The following ILRUN variants were observed in gnomAD, a reference collection of about 807,000 sequenced individuals.
ILRUN encodes the protein inflammation and lipid regulator with UBA-like and NBR1-like domains.
Under a neutral mutation model 33.8 loss-of-function variants are expected in ILRUN, and 3 were observed. The observed-to-expected ratio is 0.09, with a 90% CI of 0.04 to 0.23. ILRUN has a LOEUF of 0.23. Ranked by LOEUF, ILRUN falls within the 10% of genes least tolerant of loss-of-function variation. The pLI, the probability that ILRUN is intolerant of heterozygous loss-of-function variation, is 1.00. For missense variants in ILRUN, 210 were observed against 375.1 expected, an observed-to-expected ratio of 0.56 and a Z score of 3.64; for synonymous variants, 124 against 138.9, an observed-to-expected ratio of 0.89 and a Z score of 0.75.
intron 3 of ILRUN, among the ~76,000 whole-genome samples, chr6:34,619,985 CAAA>C (rs1216649224): frequency 4.0e-5 from 3 of 75,916 alleles, no homozygotes; most frequent in Admixed American, 1.5e-4. Flanking sequence ...ACTCTGTCTC[CAAA>C]AAAAAAAAAA....
chr6:34,639,155 C>G (rs1027038841), intron 3 of ILRUN, among the ~76,000 whole-genome samples: 2 of 152,214 alleles, frequency 1.3e-5, no homozygotes, highest in African/African-American at 4.8e-5. Context: ...AGTTTCCTAA[C>G]ATGTGGGACA....
chr6:34,623,202 C>T lies in ILRUN; in HGVS notation c.512-16298G>A, dbSNP rs537866980. ...ATATACTTATTGCCAGTGAACTGTA[C>T]ACTTAAAAATGGTTACAATAAATTG... is the stretch of plus-strand genomic sequence containing the variant. On this transcript the variant is annotated intron_variant, in intron 3 of 4. Transcript: ENST00000374023. Among the ~76,000 whole-genome samples the T allele has an allele frequency of 2.7e-4, 41 of 152,246 alleles. No individual in the cohort carries two copies. In the South Asian group the frequency reaches 7.5e-3, roughly 28 times the overall value.
intron 1 of ILRUN, among the ~76,000 whole-genome samples, chr6:34,685,976 T>C (rs914714589): frequency 2.5e-4 from 38 of 152,186 alleles, no homozygotes; most frequent in African/African-American, 7.9e-4. Context: ...TATAAAACTC[T>C]TAGCAGAAAA....
At chr6:34,635,072 T>A (rs1762330420) in intron 3 of ILRUN, among the ~76,000 whole-genome samples, 1 of 144,798 alleles carries the variant, frequency 6.9e-6, no homozygotes, top group South Asian at 2.1e-4. Flanking sequence ...AATAAGGCTG[T>A]CAGAAATAAA....
At position 34,606,752 on chromosome 6, in the gene ILRUN, A is replaced by G; in HGVS notation, c.664T>C (p.Ser222Pro). Reference protein sequence around the residue: ...PFASPQKNRQSDENNLKDPGG... With the variant: ...PFASPQKNRQPDENNLKDPGG... Reference sequence around the variant, plus strand: ...GGGTCTTTTAAGTTGTTTTCATCTGATTGTCGGTTCTTTTGGGGAGAGGCA... The same window carrying G: ...GGGTCTTTTAAGTTGTTTTCATCTGGTTGTCGGTTCTTTTGGGGAGAGGCA... The change falls in exon 4 of 5, where the codon TCA becomes CCA. Residue 222 changes from serine to proline, a missense_variant. Around this residue, in one of 4 missense-constraint regions of ILRUN, gnomAD observed 81 missense variants for 97.0 expected, o/e 0.84. Transcript: ENST00000374023. 1.2e-6 allele frequency: 2 copies of G among 1,614,016 alleles called. No homozygotes were observed. Among genetic ancestry groups the G allele is most frequent in the Non-Finnish European group, 1.7e-6 (2 of 1,179,990 alleles).
chr6:34,670,698 A>T (rs1763098607), intron 1 of ILRUN, among the ~76,000 whole-genome samples: 1 of 151,640 alleles, frequency 6.6e-6, no homozygotes, highest in Non-Finnish European at 1.5e-5. Flanking sequence ...TAAAAAAAAA[A>T]TACAAAACTT....
At chr6:34,678,153 C>T (rs1218787349) in intron 1 of ILRUN, among the ~76,000 whole-genome samples, 1 of 152,106 alleles carries the variant, frequency 6.6e-6, no homozygotes, top group African/African-American at 2.4e-5. Flanking sequence ...GATTCTCCTG[C>T]TTCAGCCTCC....
Position 34,607,541 on chromosome 6 carries a change from C to T in ILRUN, c.512-637G>A, listed in dbSNP as rs1241516759. Among the ~76,000 whole-genome samples the T allele has an allele frequency of 2.6e-5, 4 of 152,302 alleles. No individual in the cohort carries two copies. In the South Asian group the frequency reaches 6.2e-4, roughly 24 times the overall value. ...ACTTTCTAAAATACCCAATTTAACA[C>T]CTGCTTTGCTTTTCTGTCATACAGT... is the stretch of plus-strand genomic sequence containing the variant. On this transcript the variant is annotated intron_variant, in intron 3 of 4. Transcript: ENST00000374023.
chr6:34,609,940 C>T (rs895752977), intron 3 of ILRUN, among the ~76,000 whole-genome samples: 4 of 151,888 alleles, frequency 2.6e-5, no homozygotes, highest in Non-Finnish European at 4.4e-5. Flanking sequence ...AGGTGGATCA[C>T]GAGGTCAGGA....
rs1419204574 is a variant in ILRUN at position 34,594,506 on chromosome 6, G to T, written c.862-3906C>A. ...GGGCATACACCACTTACACAGAAAT[G>T]GGTTTCCAAAGGCTACATTGAACAG... On this transcript the variant is annotated intron_variant, in intron 4 of 4. Coordinates refer to ENST00000374023, the MANE Select transcript of ILRUN (RefSeq NM_024294.4). Among the ~76,000 whole-genome samples, 3 of 152,310 alleles carry T rather than the reference G, an allele frequency of 2.0e-5. No individual in the cohort carries two copies. The East Asian group carries it at 5.8e-4, about 29-fold the overall frequency.
intron 1 of ILRUN, among the ~76,000 whole-genome samples, chr6:34,688,033 C>CTTGG (rs1307389891): frequency 6.6e-6 from 1 of 151,954 alleles, no homozygotes; most frequent in African/African-American, 2.4e-5. Context: ...CCCCAAATGT[C>CTTGG]TACCAACGAA....
intron 2 of ILRUN, among the ~76,000 whole-genome samples, chr6:34,647,599 G>A (rs774181141): frequency 5.9e-5 from 9 of 151,956 alleles, no homozygotes; most frequent in East Asian, 1.9e-4. Context: ...TTAAAGAGTC[G>A]CCTGGACTGG....
In ILRUN at chr6:34,677,947, CA is replaced by C. The variant is rs200840957; in HGVS notation, c.158+18498del. Among the ~76,000 whole-genome samples, 328 of 74,336 alleles carry C rather than the reference CA, an allele frequency of 4.4e-3. 1 individual carries two copies. The highest frequency in any genetic ancestry group is 0.012 in the African/African-American group (228 of 19,462). 48.8% of individuals were successfully genotyped at this position (74,336 alleles called of 152,430 possible). A position where few individuals can be genotyped will look rare whatever the true frequency, so the allele number is the denominator to read the frequency against. The stretch of plus-strand genomic sequence containing the variant: ...GTGAGTGACAGTGAGATCCTGCCTC[CA>C]AAAAAAAAAAAAAAAAAAAAAGTGT... On this transcript the variant is annotated intron_variant, in intron 1 of 4. Coordinates refer to ENST00000374023, the MANE Select transcript of ILRUN (RefSeq NM_024294.4).
Position 34,606,894 on chromosome 6 carries a change from C to G in ILRUN, c.522G>C (p.Trp174Cys). ...ATGLYYGDVI[W>C]VILSVEVGGL... ...CACCCACCTCCACACTGAGAATCAC[C>G]CAGATGACATCTGAAACAAAAAGGT... The change falls in exon 4 of 5, where the codon TGG (tryptophan) becomes TGC (cysteine). Residue 174 changes from tryptophan to cysteine, a missense_variant. This residue lies in a region of ILRUN where 60 missense variants were observed against 138.1 expected (regional missense o/e 0.43). Coordinates refer to ENST00000374023, the MANE Select transcript of ILRUN (RefSeq NM_024294.4). 1 of 1,608,852 alleles carries G rather than the reference C, an allele frequency of 6.2e-7. No homozygotes were observed. Among genetic ancestry groups the G allele is most frequent in the Non-Finnish European group, 8.5e-7 (1 of 1,177,392 alleles).
chr6:34,681,338 G>C (rs1004418901), intron 1 of ILRUN, among the ~76,000 whole-genome samples: 8 of 152,132 alleles, frequency 5.3e-5, no homozygotes, highest in Non-Finnish European at 1.2e-4. Context: ...CTCTATATTT[G>C]GGAATAAACT....
At chr6:34,654,384 A>G (rs1443259187) in intron 2 of ILRUN, among the ~76,000 whole-genome samples, 1 of 152,240 alleles carries the variant, frequency 6.6e-6, no homozygotes, top group Non-Finnish European at 1.5e-5. Flanking sequence ...GATTGTGTTT[A>G]GATGCCATTA....
intron 3 of ILRUN, among the ~76,000 whole-genome samples, chr6:34,607,575 G>T (rs1761661455): frequency 6.6e-6 from 1 of 152,268 alleles, no homozygotes; most frequent in African/African-American, 2.4e-5. Flanking sequence ...GTCATGCATT[G>T]CTTAATGAAG....
chr6:34,675,128 A>C (rs1763201751), intron 1 of ILRUN, among the ~76,000 whole-genome samples: 1 of 152,110 alleles, frequency 6.6e-6, no homozygotes, highest in Non-Finnish European at 1.5e-5. Context: ...TAAAAATGCA[A>C]AAATCAGCCA....
chr6:34,688,993 C>T lies in ILRUN; in HGVS notation c.158+7453G>A, dbSNP rs118056731. 3.0e-4 allele frequency among the ~76,000 whole-genome samples: 45 copies of T among 150,742 alleles called. No homozygotes were observed. In the East Asian group the frequency reaches 7.9e-3, roughly 27 times the overall value. ...GAAAAGAAAATATCCAGAATAGGTACATACATAGAGACAGAACTCAGACTG... is the reference window on the plus strand; with the variant it reads ...GAAAAGAAAATATCCAGAATAGGTATATACATAGAGACAGAACTCAGACTG... On this transcript the variant is annotated intron_variant, in intron 1 of 4. Transcript: ENST00000374023.
Sources: gnomAD v4.1 joint callset for allele counts (sites outside exome capture counted in the v4.1 genomes callset) on GRCh38, gnomAD v4.1.1 for gene constraint, gnomAD v4.1.1 regional missense constraint, MANE v1.5 for transcripts, NCBI Gene and HGNC (gene_info 2026-07-23, HGNC 2026-07-21) for gene names.